Variants in FRK observed in about 807,000 individuals in gnomAD.
FRK encodes tyrosine-protein kinase FRK.
FRK carries 51 observed loss-of-function variants against 56.4 expected under a neutral mutation model. The ratio of observed to expected loss-of-function variants is 0.90; its 90% CI spans 0.72 to 1.14. FRK has a LOEUF of 1.14. FRK is among the 50% of genes most tolerant of loss of function. The probability of loss-of-function intolerance (pLI) is 0.00; values close to 1 mark genes in which losing one functional copy is unlikely to be tolerated. For missense variants in FRK, 570 were observed against 601.4 expected (o/e 0.95, Z 0.55); for synonymous variants, 245 against 217.9 (o/e 1.12, Z -1.10).
At chr6:116,031,178 T>C (rs1472702078) in intron 1 of FRK, among the ~76,000 whole-genome samples, 1 of 152,108 alleles carries the variant, frequency 6.6e-6, no homozygotes, top group Non-Finnish European at 1.5e-5. Context: ...ATTAATTCAC[T>C]GACAGAAATA....
At chr6:115,981,254 G>T (rs9320551) in intron 2 of FRK, among the ~76,000 whole-genome samples, 31,337 of 151,926 alleles carry the variant, frequency 0.21, 3,695 homozygotes, top group Middle Eastern at 0.31. Context: ...TTCTATTAAT[G>T]AAAAAGAAAT....
chr6:115,971,293 T>C (rs759768441), intron 2 of FRK, among the ~76,000 whole-genome samples: 31 of 152,314 alleles, frequency 2.0e-4, no homozygotes, highest in Middle Eastern at 3.4e-3. Context: ...GAATATTAAC[T>C]TTAAGCAAAT....
intron 2 of FRK, among the ~76,000 whole-genome samples, chr6:116,002,953 G>A (rs559853951): frequency 3.4e-4 from 52 of 152,200 alleles, no homozygotes; most frequent in Non-Finnish European, 5.9e-4. Flanking sequence ...TGGAATTATG[G>A]CCTGCTTTCA....
the FRK span, among the ~76,000 whole-genome samples, chr6:116,078,610 C>A: frequency 2.6e-5 from 4 of 152,150 alleles, no homozygotes; most frequent in Non-Finnish European, 4.4e-5. Context: ...AGCTAACATA[C>A]AGAAGAGTGC....
At position 115,942,137 on chromosome 6, in the gene FRK, G is replaced by T; in HGVS notation, c.*277C>A. ...TGATCGACATTTCAAACAATAAATG[G>T]AAATGTAAGTATCTCTTAAAAAGAA... On this transcript the variant is annotated 3_prime_UTR_variant, in exon 8 of 8. Coordinates refer to ENST00000606080, the MANE Select transcript of FRK (RefSeq NM_002031.3). 1 of 295,868 alleles carries T rather than the reference G, an allele frequency of 3.4e-6. No individual in the cohort carries two copies. Among genetic ancestry groups the T allele is most frequent in the Non-Finnish European group, 6.5e-6 (1 of 154,434 alleles). The allele number at this position is 295,868 out of a possible 1,614,324, so 18.3% of individuals were successfully genotyped here. A position where few individuals can be genotyped will look rare whatever the true frequency, so the allele number is the denominator to read the frequency against.
rs557938170 is a variant in FRK, at chr6:115,936,488, T to C, written c.*5926A>G. ...ATGGAGAATGAGTTTGACGGATGGA[T>C]AGAAGTAGGCCTCAGAAGGTGGGTA... is the stretch of plus-strand genomic sequence containing the variant. On this transcript the variant is annotated 3_prime_UTR_variant, in exon 8 of 8. Coordinates refer to ENST00000606080, the MANE Select transcript of FRK (RefSeq NM_002031.3). 12 of 152,182 alleles carry C rather than the reference T, an allele frequency of 7.9e-5. No homozygotes were observed. Among genetic ancestry groups the C allele is most frequent in the African/African-American group, 2.9e-4 (12 of 41,476 alleles). The allele number at this position is 152,182 out of a possible 1,614,324, so 9.4% of individuals were successfully genotyped here.
chr6:116,083,345 A>C, the FRK span, among the ~76,000 whole-genome samples: 1 of 152,136 alleles, frequency 6.6e-6, no homozygotes, highest in East Asian at 1.9e-4. Context: ...GGGAGCAGAG[A>C]AGCAAGTTTG....
chr6:116,002,860 T>A (rs1775115067), intron 2 of FRK: 1 of 347,444 alleles, frequency 2.9e-6, no homozygotes, highest in African/African-American at 2.1e-5. Context: ...TATTTGGGAC[T>A]ACCAGGTGTG....
At chr6:115,998,031 T>A (rs1774909818) in intron 2 of FRK, among the ~76,000 whole-genome samples, 1 of 152,168 alleles carries the variant, frequency 6.6e-6, no homozygotes, top group Non-Finnish European at 1.5e-5. Context: ...TCCCCAGTCC[T>A]TGGGCGACTC....
At chr6:116,050,178 T>C (rs1777132650) in intron 1 of FRK, among the ~76,000 whole-genome samples, 1 of 152,050 alleles carries the variant, frequency 6.6e-6, no homozygotes, top group Non-Finnish European at 1.5e-5. Context: ...ATAAATAATC[T>C]CACAAAACAT....
At chr6:115,979,801 T>C (rs1454802964) in intron 2 of FRK, among the ~76,000 whole-genome samples, 2 of 152,174 alleles carry the variant, frequency 1.3e-5, no homozygotes, top group African/African-American at 4.8e-5. Context: ...GTATTCAGTT[T>C]AGGGACATGC....
chr6:115,971,466 C>T (rs1326582474), intron 2 of FRK, among the ~76,000 whole-genome samples: 1 of 152,130 alleles, frequency 6.6e-6, no homozygotes, highest in East Asian at 1.9e-4. Context: ...TTGAAGGTAA[C>T]CTTTCTAACA....
chr6:116,021,468 A>G (rs969284622), intron 1 of FRK, among the ~76,000 whole-genome samples: 2 of 152,194 alleles, frequency 1.3e-5, no homozygotes, highest in African/African-American at 4.8e-5. Context: ...AGAGTGATAC[A>G]GTATAATTGC....
the FRK span, among the ~76,000 whole-genome samples, chr6:116,078,682 TAAAG>T: frequency 6.6e-6 from 1 of 152,140 alleles, no homozygotes. Flanking sequence ...ATAACACAGA[TAAAG>T]AAACAAAACA....
At chr6:116,041,277 T>G (rs1169909034) in intron 1 of FRK, among the ~76,000 whole-genome samples, 2 of 152,210 alleles carry the variant, frequency 1.3e-5, no homozygotes, top group Non-Finnish European at 2.9e-5. Flanking sequence ...GTCACTGTAT[T>G]CTCTGGATTA....
Position 116,003,926 on chromosome 6 carries a change from G to C in FRK, c.417C>G (p.Ser139=). The change falls in exon 2 of 8, where the codon TCC becomes TCG. Residue 139 remains serine (S), a synonymous_variant. Transcript: ENST00000606080. ...QLLYSENKTG[S]FLIRESESQK... Reference sequence around the variant, plus strand: ...GGCTTTCACTTTCTCTGATTAGAAAGGAACCGGTCTTGTTTTCTGAATATA... The same window carrying C: ...GGCTTTCACTTTCTCTGATTAGAAACGAACCGGTCTTGTTTTCTGAATATA... The C allele has an allele frequency of 1.2e-6, 2 of 1,613,456 alleles. No individual in the cohort carries two copies. Among genetic ancestry groups the C allele is most frequent in the Non-Finnish European group, 8.5e-7 (1 of 1,179,670 alleles).
the FRK span, among the ~76,000 whole-genome samples, chr6:116,096,225 C>T: frequency 0.17 from 25,968 of 152,106 alleles, 2,632 homozygotes; most frequent in African/African-American, 0.27. Flanking sequence ...TGTAGGGCCC[C>T]TTCTTTGCCC....
the FRK span, among the ~76,000 whole-genome samples, chr6:116,094,092 T>G: frequency 6.6e-6 from 1 of 152,172 alleles, no homozygotes; most frequent in Non-Finnish European, 1.5e-5. Context: ...AGTCACCCAG[T>G]AGGGCTTGTT....
intron 1 of FRK, among the ~76,000 whole-genome samples, chr6:116,052,132 G>A (rs1386159284): frequency 6.6e-6 from 1 of 152,088 alleles, no homozygotes; most frequent in East Asian, 1.9e-4. Context: ...TTCCTGACTT[G>A]ATATTCAGTC....
Sources: gnomAD v4.1 joint callset for allele counts (sites outside exome capture counted in the v4.1 genomes callset) on GRCh38, gnomAD v4.1.1 for gene constraint, MANE v1.5 for transcripts, NCBI Gene and HGNC (gene_info 2026-07-23, HGNC 2026-07-21) for gene names.